The following TTC27 variants were observed in gnomAD, a reference collection of about 807,000 sequenced individuals.
TTC27 encodes tetratricopeptide repeat protein 27.
Under a neutral mutation model 115.9 loss-of-function variants are expected in TTC27, and 79 were observed. The ratio of observed to expected loss-of-function variants is 0.68; its 90% CI spans 0.57 to 0.82. The LOEUF is 0.82. TTC27 is among the 40% of genes least tolerant of loss of function. TTC27 has a pLI of 0.00. For synonymous variants in TTC27, 401 were observed against 356.0 expected, an observed-to-expected ratio of 1.13 and a Z score of -1.42; for missense variants, 1,054 against 993.1, an observed-to-expected ratio of 1.06 and a Z score of -0.82.
At chr2:32,740,156 C>T (rs1668581196) in intron 12 of TTC27, among the ~76,000 whole-genome samples, 1 of 152,114 alleles carries the variant, frequency 6.6e-6, no homozygotes, top group African/African-American at 2.4e-5. Flanking sequence ...AGCAATTTCC[C>T]CTAGCTGATA....
intron 13 of TTC27, 57 bp downstream of exon 13, chr2:32,758,576 G>C (rs1295067160): frequency 1.3e-6 from 2 of 1,522,418 alleles, no homozygotes; most frequent in Non-Finnish European, 1.8e-6. Flanking sequence ...CTTTGGATTT[G>C]ATCTTACAGA....
intron 15 of TTC27, among the ~76,000 whole-genome samples, chr2:32,784,541 G>A (rs894864561): frequency 6.6e-6 from 1 of 152,040 alleles, no homozygotes; most frequent in African/African-American, 2.4e-5. Context: ...GATTCCCCTC[G>A]ATATCATGTT....
At chr2:32,634,339 G>C (rs1230349001) in intron 3 of TTC27, among the ~76,000 whole-genome samples, 1 of 151,540 alleles carries the variant, frequency 6.6e-6, no homozygotes, top group African/African-American at 2.4e-5. Flanking sequence ...CAGTCATCCA[G>C]GCTGTTGTAC....
intron 19 of TTC27, among the ~76,000 whole-genome samples, chr2:32,818,676 G>A (rs995674654): frequency 6.6e-6 from 1 of 152,166 alleles, no homozygotes; most frequent in African/African-American, 2.4e-5. Flanking sequence ...GCACAATTTA[G>A]CACTTACTTT....
chr2:32,811,013 G>T lies in TTC27; in HGVS notation c.1999-11G>T. ...TTTCTAACTTACCAGTTTGTTCTGT[G>T]CATTTTTAAGGTCCTTAAAATTCTA... On this transcript the variant is annotated splice_polypyrimidine_tract_variant and intron_variant, in intron 16 of 19. Transcript: ENST00000317907. 6.2e-7 allele frequency: 1 copy of T among 1,613,918 alleles called. No individual in the cohort carries two copies. Among genetic ancestry groups the T allele is most frequent in the Non-Finnish European group, 8.5e-7 (1 of 1,179,836 alleles).
At position 32,740,393 on chromosome 2, in the gene TTC27, T is replaced by G. The variant is rs557873294; in HGVS notation, c.1452+3577T>G. 1.6e-4 allele frequency among the ~76,000 whole-genome samples: 24 copies of G among 152,120 alleles called. No homozygotes were observed. In the South Asian group the frequency reaches 4.8e-3, roughly 30 times the overall value. On this transcript the variant is annotated intron_variant, in intron 12 of 19. Transcript: ENST00000317907. ...TTTCCTTTAAATTGTAAGTTAATGT[T>G]GTATTTCTAAAACAGCTAAGACTTT... is the stretch of plus-strand genomic sequence containing the variant.
Position 32,767,509 on chromosome 2 carries a change from C to A in TTC27, c.1680+8990C>A, listed in dbSNP as rs192812759. Reference sequence around the variant, plus strand: ...GCTCTGTCTCCCAGGCCAAGGACTGCGGACTGCAGTGGCGCAATCTCGGCT... The same window carrying A: ...GCTCTGTCTCCCAGGCCAAGGACTGAGGACTGCAGTGGCGCAATCTCGGCT... On this transcript the variant is annotated intron_variant, in intron 13 of 19. Transcript: ENST00000317907. 4.3e-3 allele frequency among the ~76,000 whole-genome samples: 580 copies of A among 134,696 alleles called. 8 individuals are homozygous for A. The Middle Eastern group carries it at 0.048, about 11-fold the overall frequency. The allele number at this position is 134,696 out of a possible 152,430, so 88.4% of individuals were successfully genotyped here.
chr2:32,651,409 C>A (rs549148596), intron 5 of TTC27, among the ~76,000 whole-genome samples: 3 of 152,268 alleles, frequency 2.0e-5, no homozygotes, highest in African/African-American at 7.2e-5. Flanking sequence ...TGCAATGGCG[C>A]AATCTCGGCT....
chr2:32,776,432 CT>C (rs1416658864), intron 13 of TTC27, among the ~76,000 whole-genome samples: 2 of 152,122 alleles, frequency 1.3e-5, no homozygotes, highest in African/African-American at 2.4e-5. Flanking sequence ...CTTTCCTAAC[CT>C]AAACTGTCCA....
At chr2:32,694,777 A>G (rs923140782) in intron 9 of TTC27, among the ~76,000 whole-genome samples, 1 of 150,390 alleles carries the variant, frequency 6.6e-6, no homozygotes, top group African/African-American at 2.5e-5. Context: ...GGCTCAAGCG[A>G]TCTTCCTGCC....
At chr2:32,638,598 C>T (rs896405971) in intron 3 of TTC27, among the ~76,000 whole-genome samples, 4 of 152,060 alleles carry the variant, frequency 2.6e-5, no homozygotes, top group African/African-American at 4.8e-5. Flanking sequence ...AGGCTGTTCT[C>T]GAACTCCTGA....
At chr2:32,782,755 T>G (rs1388821587) in intron 15 of TTC27, 77 bp downstream of exon 15, 3 of 1,163,836 alleles carry the variant, frequency 2.6e-6, no homozygotes, top group African/African-American at 1.5e-5. Context: ...GAACATTGTT[T>G]CAATGTTTCT....
At chr2:32,796,193 A>T (rs180747860) in intron 16 of TTC27, among the ~76,000 whole-genome samples, 99 of 152,330 alleles carry the variant, frequency 6.5e-4, no homozygotes, top group African/African-American at 2.1e-3. Context: ...AGTTATGAAA[A>T]CAATTCCATT....
chr2:32,663,751 C>A (rs1055067324), intron 5 of TTC27, among the ~76,000 whole-genome samples: 1 of 152,112 alleles, frequency 6.6e-6, no homozygotes, highest in African/African-American at 2.4e-5. Flanking sequence ...GTGGTGCGAT[C>A]TCAGCTCACT....
chr2:32,635,889 T>C (rs1664406106), intron 3 of TTC27, among the ~76,000 whole-genome samples: 1 of 152,196 alleles, frequency 6.6e-6, no homozygotes, highest in African/African-American at 2.4e-5. Context: ...TAATCCATAA[T>C]GCTGATCCTA....
In TTC27 at chr2:32,633,883, T is replaced by C. The variant is rs774031912; in HGVS notation, c.274T>C (p.Leu92=). Residue 92 remains leucine, a synonymous_variant, in exon 3 of 20, where the codon TTG becomes CTG. Transcript: ENST00000317907. ...AACCATTCTTATATGCAGACAACAG[T>C]TGATATTTCTACTTGGTGTGAGCAG... is the stretch of plus-strand genomic sequence containing the variant. ...TDLDTTERQQ[L]IFLLGVSSLQ... is the part of the protein sequence containing the mutation. The C allele has an allele frequency of 1.2e-6, 2 of 1,613,578 alleles. No homozygotes were observed. Among genetic ancestry groups the C allele is most frequent in the Admixed American group, 3.3e-5 (2 of 59,948 alleles).
At chr2:32,671,856 G>A (rs1454113586) in intron 7 of TTC27, among the ~76,000 whole-genome samples, 1 of 152,200 alleles carries the variant, frequency 6.6e-6, no homozygotes, top group Non-Finnish European at 1.5e-5. Flanking sequence ...TTTGAATCCT[G>A]ATGCTATCAC....
intron 12 of TTC27, among the ~76,000 whole-genome samples, chr2:32,750,505 C>T (rs1234213064): frequency 6.6e-6 from 1 of 152,112 alleles, no homozygotes; most frequent in African/African-American, 2.4e-5. Context: ...AAACAGTTTC[C>T]AGTTTAAGCA....
intron 9 of TTC27, among the ~76,000 whole-genome samples, chr2:32,686,156 G>A (rs937818558): frequency 1.3e-5 from 2 of 152,122 alleles, no homozygotes; most frequent in Non-Finnish European, 1.5e-5. Context: ...TGAAAATGAC[G>A]AAGACTGTTG....
Sources: gnomAD v4.1 joint callset for allele counts (sites outside exome capture counted in the v4.1 genomes callset) on GRCh38, gnomAD v4.1.1 for gene constraint, MANE v1.5 for transcripts, NCBI Gene and HGNC (gene_info 2026-07-23, HGNC 2026-07-21) for gene names.